PDIA5: variants seen among roughly 807,000 people sequenced by gnomAD.
The protein encoded by PDIA5 is protein disulfide-isomerase A5.
Under a neutral mutation model 77.6 loss-of-function variants are expected in PDIA5, and 58 were observed. That is an observed-to-expected ratio of 0.75 (90% CI 0.61 to 0.93). The LOEUF is 0.93. Ranked by LOEUF, PDIA5 falls within the 40% of genes least tolerant of loss-of-function variation. The probability of loss-of-function intolerance (pLI) is 0.00; values close to 1 mark genes in which losing one functional copy is unlikely to be tolerated. For synonymous variants in PDIA5, 250 were observed against 252.1 expected (o/e 0.99, Z 0.08); for missense variants, 630 against 647.7 (o/e 0.97, Z 0.30).
At chr3:123,110,606 A>G (rs1264380859) in intron 6 of PDIA5, among the ~76,000 whole-genome samples, 2 of 152,206 alleles carry the variant, frequency 1.3e-5, no homozygotes, top group Non-Finnish European at 2.9e-5. Context: ...TGAACTGTTC[A>G]GGTGGAGCTG....
intron 11 of PDIA5, chr3:123,144,738 AT>A (rs976215289): frequency 6.6e-6 from 1 of 152,138 alleles, no homozygotes; most frequent in Admixed American, 6.5e-5. Flanking sequence ...TACAAAAAAA[AT>A]TAGCCGGGCG....
chr3:123,111,567 T>C (rs1329807286), intron 7 of PDIA5, among the ~76,000 whole-genome samples: 1 of 152,226 alleles, frequency 6.6e-6, no homozygotes, highest in Non-Finnish European at 1.5e-5. Context: ...ATCTTTCAGA[T>C]GACAGCCAGA....
chr3:123,158,396 C>A (rs926640576), intron 15 of PDIA5, among the ~76,000 whole-genome samples: 18 of 152,042 alleles, frequency 1.2e-4, no homozygotes, highest in African/African-American at 3.9e-4. Flanking sequence ...CAGAAGCAGA[C>A]CCTGCTCCTG....
intron 8 of PDIA5, among the ~76,000 whole-genome samples, chr3:123,118,574 A>G (rs1181409908): frequency 6.6e-6 from 1 of 152,142 alleles, no homozygotes; most frequent in Admixed American, 6.5e-5. Flanking sequence ...TCTAGGCCCC[A>G]TCCCACGCTG....
In PDIA5 at chr3:123,106,741, T is replaced by C. The variant is rs555592793; in HGVS notation, c.388-8T>C. The C allele has an allele frequency of 1.8e-5, 29 of 1,596,014 alleles. 1 individual carries two copies. In the South Asian group the frequency reaches 2.5e-4, roughly 14 times the overall value. On this transcript the variant is annotated splice_polypyrimidine_tract_variant and splice_region_variant and intron_variant, in intron 5 of 16. Transcript: ENST00000316218. ...AATGCATTTTCTCTTCTCTTTTTTTTCCCTCAGTCCATAGTGGCCTTTTTG... is the reference window on the plus strand; with the variant it reads ...AATGCATTTTCTCTTCTCTTTTTTTCCCCTCAGTCCATAGTGGCCTTTTTG...
rs144879899 is a variant in PDIA5 at position 123,139,540 on chromosome 3, C to A, written c.911-5982C>A. Among the ~76,000 whole-genome samples the A allele has an allele frequency of 1.5e-3, 225 of 152,280 alleles. 1 individual carries two copies. Among genetic ancestry groups the A allele is most frequent in the African/African-American group, 5.2e-3 (216 of 41,532 alleles). ...AGAATTCTAGGGTATGTATGGGAAA[C>A]TTTAGAACAGCATCCTTAGATGTTA... On this transcript the variant is annotated intron_variant, in intron 11 of 16. Coordinates refer to ENST00000316218, the MANE Select transcript of PDIA5 (RefSeq NM_006810.4).
rs372691698 is a variant in PDIA5 at position 123,089,313 on chromosome 3, C to A, written c.169+19C>A. 1 of 1,612,520 alleles carries A rather than the reference C, an allele frequency of 6.2e-7. No individual in the cohort carries two copies. The highest frequency in any genetic ancestry group is 1.1e-5 in the South Asian group (1 of 90,808). On this transcript the variant is annotated intron_variant, in intron 2 of 16. Coordinates refer to ENST00000316218, the MANE Select transcript of PDIA5 (RefSeq NM_006810.4). ...AAATCTGGTGAGTGTCCCTTCCTGG[C>A]CTTGAGGTCAACCATCGGGGTAGGA...
Position 123,106,845 on chromosome 3 carries a change from A to G in PDIA5, c.480+4A>G, listed in dbSNP as rs1240382901. ...TGTCCACCTTGACAGTGAAAAGGTA[A>G]TGTATTCCCCGTCAGTTCTGATGGA... On this transcript the variant is annotated splice_donor_region_variant and intron_variant, in intron 6 of 16. Coordinates refer to ENST00000316218, the MANE Select transcript of PDIA5 (RefSeq NM_006810.4). 6.3e-7 allele frequency: 1 copy of G among 1,592,170 alleles called. No individual in the cohort carries two copies. Among genetic ancestry groups the G allele is most frequent in the South Asian group, 1.1e-5 (1 of 90,476 alleles).
At chr3:123,159,563 A>G (rs1408663054) in intron 15 of PDIA5, among the ~76,000 whole-genome samples, 1 of 152,206 alleles carries the variant, frequency 6.6e-6, no homozygotes, top group Non-Finnish European at 1.5e-5. Context: ...GAAGCTGGAA[A>G]GCCAAATTGT....
At chr3:123,135,887 G>C (rs1004723788) in intron 11 of PDIA5, among the ~76,000 whole-genome samples, 1 of 144,294 alleles carries the variant, frequency 6.9e-6, no homozygotes, top group Non-Finnish European at 1.5e-5. Flanking sequence ...CACATGTATA[G>C]ATTTGTGTAA....
intron 8 of PDIA5, among the ~76,000 whole-genome samples, chr3:123,121,566 C>A (rs563529840): frequency 6.6e-6 from 1 of 152,296 alleles, no homozygotes; most frequent in East Asian, 1.9e-4. Flanking sequence ...TCACCCCAAG[C>A]GAAGGTGGTT....
At position 123,160,770 on chromosome 3, in the gene PDIA5, T is replaced by G. The variant is rs115098831; in HGVS notation, c.1345-551T>G. On this transcript the variant is annotated intron_variant, in intron 15 of 16. Coordinates refer to ENST00000316218, the MANE Select transcript of PDIA5 (RefSeq NM_006810.4). Reference sequence around the variant, plus strand: ...ATTCTCTTATTCAGTCTTCACAATATCCTGATAGCCTAGATACTATTATTA... The same window carrying G: ...ATTCTCTTATTCAGTCTTCACAATAGCCTGATAGCCTAGATACTATTATTA... 7.8e-3 allele frequency among the ~76,000 whole-genome samples: 1,190 copies of G among 152,230 alleles called. 7 individuals are homozygous for G. Among genetic ancestry groups the G allele is most frequent in the African/African-American group, 0.027 (1,123 of 41,534 alleles).
intron 1 of PDIA5, among the ~76,000 whole-genome samples, chr3:123,078,319 C>T (rs13325763): frequency 0.017 from 2,660 of 152,250 alleles, 77 homozygotes; most frequent in African/African-American, 0.06. Context: ...GGGCACAGAG[C>T]AAGCGCTGGG....
chr3:123,131,509 T>G (rs2667458), intron 11 of PDIA5, among the ~76,000 whole-genome samples: 105,772 of 149,482 alleles, frequency 0.71, 38,400 homozygotes, highest in Non-Finnish European at 0.8. Flanking sequence ...ACCTTACAAG[T>G]GGTCGCGGGC....
At chr3:123,072,859 T>G (rs1576429987) in intron 1 of PDIA5, among the ~76,000 whole-genome samples, 1 of 151,576 alleles carries the variant, frequency 6.6e-6, no homozygotes, top group Non-Finnish European at 1.5e-5. Flanking sequence ...GAGGCGGAGG[T>G]TCTTCCACAT....
intron 15 of PDIA5, among the ~76,000 whole-genome samples, chr3:123,156,065 A>G (rs1936015879): frequency 6.6e-6 from 1 of 152,190 alleles, no homozygotes; most frequent in Non-Finnish European, 1.5e-5. Flanking sequence ...ATCAAGGCCA[A>G]CAGGAGGTCA....
At chr3:123,151,815 G>GCCTGCCTT (rs1560561875) in intron 14 of PDIA5, among the ~76,000 whole-genome samples, 1 of 122,214 alleles carries the variant, frequency 8.2e-6, no homozygotes, top group African/African-American at 3.2e-5. Context: ...CTTCCTGCCT[G>GCCTGCCTT]CCTGCCTGCC....
chr3:123,148,441 C>T (rs1164346842), intron 13 of PDIA5, among the ~76,000 whole-genome samples: 1 of 151,840 alleles, frequency 6.6e-6, no homozygotes, highest in Non-Finnish European at 1.5e-5. Context: ...TGGTGGTGTG[C>T]GCCTATAGTC....
At chr3:123,159,058 T>C (rs9845727) in intron 15 of PDIA5, among the ~76,000 whole-genome samples, 7,911 of 152,304 alleles carry the variant, frequency 0.052, 705 homozygotes, top group African/African-American at 0.18. Flanking sequence ...ATTTCTAATT[T>C]AGTAGATTTA....
Sources: gnomAD v4.1 joint callset for allele counts (sites outside exome capture counted in the v4.1 genomes callset) on GRCh38, gnomAD v4.1.1 for gene constraint, MANE v1.5 for transcripts, NCBI Gene and HGNC (gene_info 2026-07-23, HGNC 2026-07-21) for gene names.